XYLT1: variants seen among roughly 807,000 people sequenced by gnomAD.
XYLT1 encodes the protein beta-D-xylosyltransferase 1.
XYLT1 carries 36 observed loss-of-function variants against 91.3 expected under a neutral mutation model. The ratio of observed to expected loss-of-function variants is 0.39; its 90% CI spans 0.30 to 0.52. The LOEUF is 0.52. Ranked by LOEUF, XYLT1 falls within the 20% of genes least tolerant of loss-of-function variation. The pLI, the probability that XYLT1 is intolerant of heterozygous loss-of-function variation, is 0.68. For synonymous variants in XYLT1, 588 were observed against 532.0 expected, an observed-to-expected ratio of 1.11 and a Z score of -1.45; for missense variants, 1,242 against 1,284.5, an observed-to-expected ratio of 0.97 and a Z score of 0.51.
intron 1 of XYLT1, among the ~76,000 whole-genome samples, chr16:17,423,399 T>C (rs887996636): frequency 2.0e-5 from 3 of 152,140 alleles, no homozygotes; most frequent in East Asian, 1.9e-4. Flanking sequence ...GTAAGGCTCA[T>C]TCAGAACCCA....
At chr16:17,165,664 C>T (rs1301763912) in intron 5 of XYLT1, among the ~76,000 whole-genome samples, 1 of 152,304 alleles carries the variant, frequency 6.6e-6, no homozygotes, top group African/African-American at 2.4e-5. Context: ...TGCACTCCAG[C>T]CTGGGTGACA....
chr16:17,462,461 C>T (rs2141960878), intron 1 of XYLT1, among the ~76,000 whole-genome samples: 1 of 152,338 alleles, frequency 6.6e-6, no homozygotes, highest in Admixed American at 6.5e-5. Context: ...AAGGGGGCAA[C>T]CGAACCCAGA....
chr16:17,225,524 C>A (rs1364692197), intron 3 of XYLT1, among the ~76,000 whole-genome samples: 3 of 151,954 alleles, frequency 2.0e-5, no homozygotes, highest in Non-Finnish European at 2.9e-5. Flanking sequence ...TGCCTAATTT[C>A]TTGACAAGTC....
At chr16:17,308,091 A>G (rs1039044560) in intron 2 of XYLT1, among the ~76,000 whole-genome samples, 1 of 152,128 alleles carries the variant, frequency 6.6e-6, no homozygotes, top group South Asian at 2.1e-4. Flanking sequence ...AAGATCTACA[A>G]TGAACCAAAG....
intron 1 of XYLT1, among the ~76,000 whole-genome samples, chr16:17,422,973 A>G (rs1168467194): frequency 6.6e-6 from 1 of 152,194 alleles, no homozygotes; most frequent in African/African-American, 2.4e-5. Flanking sequence ...TCTTCTGCTA[A>G]GAGGCTGACT....
intron 11 of XYLT1, among the ~76,000 whole-genome samples, chr16:17,117,026 A>G (rs769139081): frequency 3.9e-5 from 6 of 152,060 alleles, no homozygotes; most frequent in Non-Finnish European, 8.8e-5. Flanking sequence ...TTTGTGGGCC[A>G]TGCAGTCTCT....
chr16:17,247,158 T>TTCATTCAC (rs553468886), intron 3 of XYLT1, among the ~76,000 whole-genome samples: 3,130 of 151,776 alleles, frequency 0.021, 101 homozygotes, highest in African/African-American at 0.07. Context: ...CATTCATTTA[T>TTCATTCAC]TCATTCACTC....
intron 3 of XYLT1, among the ~76,000 whole-genome samples, chr16:17,242,454 G>A (rs1052297893): frequency 6.6e-6 from 1 of 152,094 alleles, no homozygotes; most frequent in East Asian, 1.9e-4. Context: ...GGCTCCCTAC[G>A]ACCCTAGAGT....
At chr16:17,188,678 C>T (rs1315248402) in intron 5 of XYLT1, among the ~76,000 whole-genome samples, 1 of 152,144 alleles carries the variant, frequency 6.6e-6, no homozygotes, top group Non-Finnish European at 1.5e-5. Flanking sequence ...ATGTGCACTC[C>T]TGTGATCTCT....
rs550464969 is a variant in XYLT1, at chr16:17,145,984, T to A, written c.1371-4615A>T. On this transcript the variant is annotated intron_variant, in intron 6 of 11. Coordinates refer to ENST00000261381, the MANE Select transcript of XYLT1 (RefSeq NM_022166.4). ...CTGGACTTTGTGCCTCCCTTCCAGG[T>A]CCTAGGACAGTGCAGGTCAGCTGCT... 8.5e-5 allele frequency among the ~76,000 whole-genome samples: 13 copies of A among 152,250 alleles called. No homozygotes were observed. In the East Asian group the frequency reaches 1.9e-3, roughly 23 times the overall value.
At chr16:17,405,644 C>T (rs1039275484) in intron 1 of XYLT1, among the ~76,000 whole-genome samples, 2 of 152,194 alleles carry the variant, frequency 1.3e-5, no homozygotes, top group African/African-American at 4.8e-5. Flanking sequence ...CACTGTGGTG[C>T]CCTCGTGAGC....
At chr16:17,458,557 C>A (rs1034945798) in intron 1 of XYLT1, among the ~76,000 whole-genome samples, 2 of 152,158 alleles carry the variant, frequency 1.3e-5, no homozygotes, top group Non-Finnish European at 2.9e-5. Context: ...CTCCTAACAT[C>A]TAACTTTAAT....
At chr16:17,407,390 T>C (rs2036047268) in intron 1 of XYLT1, among the ~76,000 whole-genome samples, 3 of 152,348 alleles carry the variant, frequency 2.0e-5, no homozygotes, top group South Asian at 4.1e-4. Flanking sequence ...GATATTTTGC[T>C]TTTCAAAGTG....
At chr16:17,324,600 G>A (rs1596482454) in intron 2 of XYLT1, among the ~76,000 whole-genome samples, 2 of 152,238 alleles carry the variant, frequency 1.3e-5, no homozygotes, top group South Asian at 2.1e-4. Flanking sequence ...TTCTGAGCGC[G>A]TCTTCGTGCA....
intron 10 of XYLT1, among the ~76,000 whole-genome samples, chr16:17,125,162 A>C (rs1313421353): frequency 6.6e-6 from 1 of 152,170 alleles, no homozygotes; most frequent in Non-Finnish European, 1.5e-5. Flanking sequence ...AAAGCAAGCC[A>C]ATTCACAATT....
chr16:17,400,113 T>A (rs1424146067), intron 1 of XYLT1, among the ~76,000 whole-genome samples: 1 of 152,182 alleles, frequency 6.6e-6, no homozygotes, highest in Non-Finnish European at 1.5e-5. Flanking sequence ...CAACAGCAGC[T>A]TTCTCAGTCT....
intron 3 of XYLT1, 53 bp downstream of exon 3, chr16:17,258,935 G>C: frequency 4.1e-6 from 6 of 1,469,180 alleles, no homozygotes; most frequent in Non-Finnish European, 5.4e-6. Context: ...GGCTGGGCAG[G>C]AGGAGGAAGT....
chr16:17,337,136 T>A (rs988644642), intron 2 of XYLT1, among the ~76,000 whole-genome samples: 1 of 152,154 alleles, frequency 6.6e-6, no homozygotes, highest in Non-Finnish European at 1.5e-5. Flanking sequence ...ATTTTTTGCC[T>A]TTGTTCAGTG....
At chr16:17,250,272 T>C (rs2141747149) in intron 3 of XYLT1, 1 of 152,368 alleles carries the variant, frequency 6.6e-6, no homozygotes, top group African/African-American at 2.4e-5. Context: ...AGCCTGTAAC[T>C]ATCTATTTTG....
Sources: gnomAD v4.1 joint callset for allele counts (sites outside exome capture counted in the v4.1 genomes callset) on GRCh38, gnomAD v4.1.1 for gene constraint, MANE v1.5 for transcripts, NCBI Gene and HGNC (gene_info 2026-07-23, HGNC 2026-07-21) for gene names.